The following NRG3 variants were observed in gnomAD, a reference collection of about 807,000 sequenced individuals.
NRG3 encodes the protein pro-neuregulin-3, membrane-bound isoform.
In NRG3, 31 loss-of-function variants were observed where a neutral mutation model predicts 66.9. The observed-to-expected ratio is 0.46, with a 90% confidence interval of 0.35 to 0.63. The LOEUF is 0.63. NRG3 is among the 20% of genes least tolerant of loss of function. NRG3 has a pLI of 0.00. For synonymous variants in NRG3, 393 were observed against 359.4 expected, an observed-to-expected ratio of 1.09 and a Z score of -1.06; for missense variants, 910 against 878.9, an observed-to-expected ratio of 1.04 and a Z score of -0.45.
intron 1 of NRG3, among the ~76,000 whole-genome samples, chr10:82,192,626 C>G (rs2074217695): frequency 6.6e-6 from 1 of 152,110 alleles, no homozygotes; most frequent in Admixed American, 6.5e-5. Context: ...CTTCCTGCAT[C>G]CCATTGTCCC....
intron 1 of NRG3, among the ~76,000 whole-genome samples, chr10:81,980,878 T>G (rs2060308536): frequency 6.6e-6 from 1 of 152,212 alleles, no homozygotes; most frequent in Admixed American, 6.5e-5. Context: ...TGGCATGTTT[T>G]TGTGTGTCCA....
At chr10:82,172,898 T>C (rs1015569596) in intron 1 of NRG3, among the ~76,000 whole-genome samples, 1 of 152,092 alleles carries the variant, frequency 6.6e-6, no homozygotes, top group Non-Finnish European at 1.5e-5. Flanking sequence ...TACTAATAGT[T>C]GAGTAAAAAA....
At chr10:82,509,652 C>T (rs1565006349) in intron 2 of NRG3, among the ~76,000 whole-genome samples, 1 of 152,158 alleles carries the variant, frequency 6.6e-6, no homozygotes, top group Non-Finnish European at 1.5e-5. Flanking sequence ...GGCAAGACTC[C>T]AGGACACCAC....
At chr10:82,896,666 T>C (rs1418940812) in intron 4 of NRG3, among the ~76,000 whole-genome samples, 1 of 152,194 alleles carries the variant, frequency 6.6e-6, no homozygotes, top group African/African-American at 2.4e-5. Flanking sequence ...CAAATGTGGC[T>C]TATAAGTCAG....
rs1564673798 is a variant in NRG3, at chr10:82,216,573, G to GT, written c.824-142166_824-142165insT. 4.5e-3 allele frequency among the ~76,000 whole-genome samples: 536 copies of GT among 119,434 alleles called. 2 individuals are homozygous for GT. The highest frequency in any genetic ancestry group is 0.013 in the African/African-American group (409 of 31,290). The allele number at this position is 119,434 out of a possible 152,430, so 78.4% of individuals were successfully genotyped here. A position where few individuals can be genotyped will look rare whatever the true frequency, so the allele number is the denominator to read the frequency against. Reference sequence around the variant, plus strand: ...GTATACATATGTATGTATATATCTGGGTGTGTGTGTGTGTGTGTGTGTATA... The same window carrying GT: ...GTATACATATGTATGTATATATCTGGTGTGTGTGTGTGTGTGTGTGTGTATA... On this transcript the variant is annotated intron_variant, in intron 1 of 8. Transcript: ENST00000372141.
intron 2 of NRG3, among the ~76,000 whole-genome samples, chr10:82,624,535 T>A (rs1268226042): frequency 6.6e-6 from 1 of 152,086 alleles, no homozygotes; most frequent in Non-Finnish European, 1.5e-5. Context: ...AACCTCATAC[T>A]CTGACTTATG....
chr10:82,848,048 C>A (rs185043473), intron 3 of NRG3, among the ~76,000 whole-genome samples: 35 of 152,270 alleles, frequency 2.3e-4, no homozygotes, highest in Non-Finnish European at 2.9e-5. Flanking sequence ...TGACACAAAG[C>A]TCACAGGGAG....
At chr10:82,907,585 T>A (rs1045032436) in intron 4 of NRG3, among the ~76,000 whole-genome samples, 2 of 152,224 alleles carry the variant, frequency 1.3e-5, no homozygotes, top group African/African-American at 4.8e-5. Flanking sequence ...CTTAAACCAG[T>A]CTGTGTTTTA....
At chr10:81,995,259 T>C (rs2060894384) in intron 1 of NRG3, among the ~76,000 whole-genome samples, 1 of 152,214 alleles carries the variant, frequency 6.6e-6, no homozygotes, top group Admixed American at 6.5e-5. Flanking sequence ...TATTTAGTTA[T>C]TATAGTATAC....
At chr10:82,970,604 C>T in intron 6 of NRG3, among the ~76,000 whole-genome samples, 1 of 152,018 alleles carries the variant, frequency 6.6e-6, no homozygotes, top group East Asian at 1.9e-4. Flanking sequence ...TGATTTCTGC[C>T]TTTATATCTT....
intron 2 of NRG3, among the ~76,000 whole-genome samples, chr10:82,666,340 C>T (rs1434120961): frequency 1.3e-5 from 2 of 152,146 alleles, no homozygotes; most frequent in African/African-American, 2.4e-5. Flanking sequence ...ATAACTCCTT[C>T]CCTTGACTGT....
At chr10:82,746,918 A>C (rs1315139507) in intron 3 of NRG3, among the ~76,000 whole-genome samples, 1 of 150,784 alleles carries the variant, frequency 6.6e-6, no homozygotes, top group Non-Finnish European at 1.5e-5. Context: ...GTTTCTAGAC[A>C]AAAAAATAAA....
chr10:82,893,356 A>T (rs2483301), intron 4 of NRG3, among the ~76,000 whole-genome samples: 101,294 of 152,166 alleles, frequency 0.67, 33,793 homozygotes, highest in South Asian at 0.72. Flanking sequence ...AATTCTTAGA[A>T]CTAGAAGTAA....
intron 1 of NRG3, among the ~76,000 whole-genome samples, chr10:82,247,845 G>A (rs1045872320): frequency 6.6e-5 from 10 of 152,082 alleles, no homozygotes; most frequent in Non-Finnish European, 1.3e-4. Flanking sequence ...TAATCAAAAC[G>A]TGTTTTCTCT....
At chr10:82,280,614 A>G (rs2079074007) in intron 1 of NRG3, among the ~76,000 whole-genome samples, 1 of 152,160 alleles carries the variant, frequency 6.6e-6, no homozygotes, top group South Asian at 2.1e-4. Context: ...TGGTCATTGT[A>G]GGCATTTGGA....
In NRG3 at chr10:82,215,963, C is replaced by CTTTTTT. The variant is rs71894841; in HGVS notation, c.824-142759_824-142754dup. Reference sequence around the variant, plus strand: ...GTTTGTTTATATTTTTTATGTTTTCCTTTTTTTTTTTTTTTTTTTTTTGAG... The same window carrying CTTTTTT: ...GTTTGTTTATATTTTTTATGTTTTCCTTTTTTTTTTTTTTTTTTTTTTTTTTTTGAG... On this transcript the variant is annotated intron_variant, in intron 1 of 8. Transcript: ENST00000372141. Among the ~76,000 whole-genome samples the CTTTTTT allele has an allele frequency of 5.6e-3, 501 of 89,514 alleles. 11 individuals carry two copies. The highest frequency in any genetic ancestry group is 7.2e-3 in the African/African-American group (156 of 21,546). 58.7% of individuals were successfully genotyped at this position (89,514 alleles called of 152,430 possible). A position where few individuals can be genotyped will look rare whatever the true frequency, so the allele number is the denominator to read the frequency against.
intron 1 of NRG3, among the ~76,000 whole-genome samples, chr10:81,966,687 T>G (rs1309402052): frequency 6.6e-6 from 1 of 152,146 alleles, no homozygotes; most frequent in African/African-American, 2.4e-5. Flanking sequence ...TACCTGTACA[T>G]CAGTGCAGGC....
chr10:82,969,035 C>G (rs539871157), intron 6 of NRG3, among the ~76,000 whole-genome samples: 3 of 152,280 alleles, frequency 2.0e-5, no homozygotes, highest in Admixed American at 2.0e-4. Flanking sequence ...GAAACTGCCG[C>G]CATGATTCAA....
At chr10:82,271,496 A>G (rs768139992) in intron 1 of NRG3, among the ~76,000 whole-genome samples, 13 of 152,144 alleles carry the variant, frequency 8.5e-5, no homozygotes, top group Non-Finnish European at 1.6e-4. Flanking sequence ...ACAATCAAGA[A>G]AATCCCCTTA....
Sources: allele counts gnomAD v4.1 joint callset (sites outside exome capture counted in the v4.1 genomes callset), GRCh38; gene constraint gnomAD v4.1.1; transcripts MANE v1.5; gene names NCBI Gene and HGNC (gene_info 2026-07-23, HGNC 2026-07-21).